The following PHTF2 variants were observed in gnomAD, a reference collection of about 807,000 sequenced individuals.
PHTF2 encodes protein PHTF2.
A neutral mutation model predicts 101.2 loss-of-function variants in PHTF2; 60 were observed. The observed-to-expected ratio is 0.59, with a 90% CI of 0.48 to 0.73. PHTF2 has a LOEUF of 0.73. Ranked by LOEUF, PHTF2 falls within the 30% of genes least tolerant of loss-of-function variation. The pLI, the probability that PHTF2 is intolerant of heterozygous loss-of-function variation, is 0.00. For missense variants in PHTF2, 747 were observed against 908.7 expected, an observed-to-expected ratio of 0.82 and a Z score of 2.29; for synonymous variants, 311 against 307.3, an observed-to-expected ratio of 1.01 and a Z score of -0.13.
At chr7:77,880,624 C>T (rs1799328382) in intron 3 of PHTF2, among the ~76,000 whole-genome samples, 1 of 152,110 alleles carries the variant, frequency 6.6e-6, no homozygotes, top group South Asian at 2.1e-4. Flanking sequence ...CAACGTCCTC[C>T]TTCACATCCC....
intron 3 of PHTF2, among the ~76,000 whole-genome samples, chr7:77,885,383 T>G (rs1353898480): frequency 2.6e-5 from 4 of 152,160 alleles, no homozygotes; most frequent in Non-Finnish European, 5.9e-5. Context: ...ATTATAGGCA[T>G]GAGCCACCAA....
intron 11 of PHTF2, among the ~76,000 whole-genome samples, chr7:77,924,618 A>G (rs1031976628): frequency 6.6e-6 from 1 of 152,154 alleles, no homozygotes; most frequent in Admixed American, 6.5e-5. Flanking sequence ...TTCTTTGGGG[A>G]AGTATTTTGT....
chr7:77,861,837 C>T (rs1797666982), intron 3 of PHTF2, among the ~76,000 whole-genome samples: 1 of 152,172 alleles, frequency 6.6e-6, no homozygotes, highest in Non-Finnish European at 1.5e-5. Context: ...GCAGGTGCAT[C>T]ACCTGAGGTT....
exon 15 of PHTF2, chr7:77,940,528 C>A: frequency 6.3e-7 from 1 of 1,587,456 alleles, no homozygotes; most frequent in Non-Finnish European, 8.6e-7. Flanking sequence ...TCTTTTTTAG[C>A]GATTACTTTT....
At chr7:77,900,549 A>G in intron 5 of PHTF2, 162 bp from the exon 5 acceptor site, 1 of 594,854 alleles carries the variant, frequency 1.7e-6, no homozygotes, top group African/African-American at 1.9e-5. Context: ...AATTTATTAC[A>G]ATACTGTAAT....
intron 1 of PHTF2, among the ~76,000 whole-genome samples, chr7:77,835,408 G>A (rs1206158679): frequency 2.0e-5 from 3 of 152,144 alleles, no homozygotes; most frequent in Non-Finnish European, 4.4e-5. Context: ...AAGTGTCAGG[G>A]GTGGAAATAC....
At chr7:77,944,162 A>G (rs903416798) in intron 16 of PHTF2, among the ~76,000 whole-genome samples, 1 of 152,362 alleles carries the variant, frequency 6.6e-6, no homozygotes, top group East Asian at 1.9e-4. Flanking sequence ...CATTAATGCT[A>G]TGGCAGCATG....
intron 16 of PHTF2, among the ~76,000 whole-genome samples, chr7:77,944,771 T>A (rs1805907220): frequency 6.6e-6 from 1 of 152,142 alleles, no homozygotes; most frequent in Non-Finnish European, 1.5e-5. Flanking sequence ...TAGATAACAC[T>A]GTGAAAAAAG....
intron 15 of PHTF2, among the ~76,000 whole-genome samples, 166 bp downstream of exon 14, chr7:77,940,825 C>T (rs1394174266): frequency 1.3e-5 from 2 of 152,112 alleles, no homozygotes; most frequent in Non-Finnish European, 2.9e-5. Flanking sequence ...CACAAGCCAG[C>T]AGAGGGAGCC....
chr7:77,924,147 A>G (rs943007727), intron 11 of PHTF2: 2 of 957,232 alleles, frequency 2.1e-6, no homozygotes, highest in African/African-American at 3.5e-5. Flanking sequence ...AAAAAGCAAA[A>G]TAAAGCCTCC....
chr7:77,903,993 A>G (rs1417852399), intron 7 of PHTF2, among the ~76,000 whole-genome samples: 1 of 152,030 alleles, frequency 6.6e-6, no homozygotes, highest in Non-Finnish European at 1.5e-5. Context: ...CTCTATCCCC[A>G]TTTCTGCATG....
At chr7:77,934,982 A>G (rs1804953952) in intron 12 of PHTF2, among the ~76,000 whole-genome samples, 1 of 151,992 alleles carries the variant, frequency 6.6e-6, no homozygotes. Context: ...AAATGTATTT[A>G]GAGTAACCTA....
At chr7:77,834,245 C>T (rs558496462) in intron 1 of PHTF2, among the ~76,000 whole-genome samples, 100 of 145,724 alleles carry the variant, frequency 6.9e-4, no homozygotes, top group African/African-American at 8.7e-4. Flanking sequence ...GCTGGGAAGT[C>T]GAAGCTGCCG....
intron 13 of PHTF2, among the ~76,000 whole-genome samples, chr7:77,938,466 C>T (rs1019541501): frequency 1.3e-5 from 2 of 151,948 alleles, no homozygotes; most frequent in South Asian, 4.2e-4. Flanking sequence ...CGCGGTGGCT[C>T]ACGCCTGTAA....
chr7:77,848,104 A>G (rs1421956911), intron 2 of PHTF2, among the ~76,000 whole-genome samples: 34 of 152,314 alleles, frequency 2.2e-4, no homozygotes, highest in Middle Eastern at 6.8e-3. Context: ...TTATCCATTC[A>G]TTCATTGATG....
chr7:77,841,075 C>CTTTTTATTTTTTTTTTTTTTTT (rs1795833476), intron 2 of PHTF2, among the ~76,000 whole-genome samples: 1 of 77,286 alleles, frequency 1.3e-5, no homozygotes. Flanking sequence ...AAAAAACAGA[C>CTTTTTATTTTTTTTTTTTTTTT]TTTTTTTTTT....
intron 2 of PHTF2, among the ~76,000 whole-genome samples, chr7:77,841,661 G>A (rs1465738447): frequency 6.6e-6 from 1 of 152,000 alleles, no homozygotes. Flanking sequence ...CATGCCATAG[G>A]TATACAATTA....
intron 7 of PHTF2, among the ~76,000 whole-genome samples, chr7:77,908,389 T>G (rs1473343475): frequency 6.6e-6 from 1 of 152,246 alleles, no homozygotes; most frequent in African/African-American, 2.4e-5. Context: ...CCTCTATTAA[T>G]AAGAAGCTCT....
At chr7:77,842,792 A>G (rs1795991357) in intron 2 of PHTF2, among the ~76,000 whole-genome samples, 1 of 152,200 alleles carries the variant, frequency 6.6e-6, no homozygotes. Context: ...CTTTTTCTTT[A>G]AAGGGCCAGA....
Sources: allele counts gnomAD v4.1 joint callset (sites outside exome capture counted in the v4.1 genomes callset), GRCh38; gene constraint gnomAD v4.1.1; transcripts MANE v1.5; gene names NCBI Gene and HGNC (gene_info 2026-07-23, HGNC 2026-07-21).